RABGAP1L: variants seen among roughly 807,000 people sequenced by gnomAD.
The protein encoded by RABGAP1L is RAB GTPase activating protein 1 like.
In RABGAP1L, 63 loss-of-function variants were observed where a neutral mutation model predicts 137.7. The observed-to-expected ratio is 0.46, with a 90% CI of 0.37 to 0.56. The LOEUF (loss-of-function observed/expected upper bound fraction) is 0.56, where lower values mean the gene tolerates loss of function less well. RABGAP1L is among the 20% of genes least tolerant of loss of function. The pLI is 0.00. For missense variants in RABGAP1L, 1,095 were observed against 1,244.0 expected (o/e 0.88, Z 1.80); for synonymous variants, 431 against 433.7 (o/e 0.99, Z 0.08).
At position 174,637,317 on chromosome 1, in the gene RABGAP1L, T is replaced by G. The variant is rs1009779681; in HGVS notation, c.1711-58T>G. ...TTGAGTTTTTTACCATGTGTATATA[T>G]TATATTTCATAACTGGGAAAAAATT... On this transcript the variant is annotated intron_variant, in intron 13 of 25. Coordinates refer to ENST00000681986, the MANE Select transcript of RABGAP1L (RefSeq NM_001366446.1). 10 of 1,209,950 alleles carry G rather than the reference T, an allele frequency of 8.3e-6. No individual in the cohort carries two copies. The Admixed American group carries it at 1.9e-4, about 23-fold the overall frequency. The allele number at this position is 1,209,950 out of a possible 1,614,324, so 75.0% of individuals were successfully genotyped here. A position where few individuals can be genotyped will look rare whatever the true frequency, so the allele number is the denominator to read the frequency against.
chr1:174,443,985 A>G (rs1197936985), intron 13 of RABGAP1L, among the ~76,000 whole-genome samples: 2 of 151,908 alleles, frequency 1.3e-5, no homozygotes, highest in African/African-American at 4.8e-5. Context: ...ATTTAGGTTG[A>G]CTATAAATGT....
intron 17 of RABGAP1L, among the ~76,000 whole-genome samples, chr1:174,750,959 TTTGC>T (rs1418478187): frequency 6.6e-6 from 1 of 152,156 alleles, no homozygotes; most frequent in African/African-American, 2.4e-5. Context: ...GAAAGCAAAT[TTTGC>T]TTAATTGTAA....
At chr1:174,811,132 T>A (rs910048109) in intron 18 of RABGAP1L, among the ~76,000 whole-genome samples, 1 of 152,148 alleles carries the variant, frequency 6.6e-6, no homozygotes, top group Non-Finnish European at 1.5e-5. Context: ...AACCCATGAT[T>A]CCACTATACA....
chr1:174,576,354 C>A (rs538400355), intron 13 of RABGAP1L, among the ~76,000 whole-genome samples: 2 of 152,232 alleles, frequency 1.3e-5, no homozygotes, highest in East Asian at 1.9e-4. Flanking sequence ...CTCATGCGTC[C>A]GTTTATAGGC....
chr1:174,565,649 C>A (rs553301948), intron 13 of RABGAP1L, among the ~76,000 whole-genome samples: 3 of 152,122 alleles, frequency 2.0e-5, no homozygotes, highest in Non-Finnish European at 2.9e-5. Flanking sequence ...TTTCCTAGCA[C>A]ATCTGAAGTT....
chr1:174,288,115 A>G (rs924361289), intron 10 of RABGAP1L, among the ~76,000 whole-genome samples: 1 of 151,986 alleles, frequency 6.6e-6, no homozygotes, highest in African/African-American at 2.4e-5. Flanking sequence ...TTACTCCCCC[A>G]TCTCTCATAT....
chr1:174,597,126 T>G (rs1320266781), intron 13 of RABGAP1L, among the ~76,000 whole-genome samples: 1 of 152,196 alleles, frequency 6.6e-6, no homozygotes, highest in Non-Finnish European at 1.5e-5. Flanking sequence ...GCTAGTATTT[T>G]GTTGAGGATT....
chr1:174,611,360 A>G (rs1271320519), intron 13 of RABGAP1L, among the ~76,000 whole-genome samples: 1 of 152,100 alleles, frequency 6.6e-6, no homozygotes, highest in African/African-American at 2.4e-5. Flanking sequence ...AAAATCAGAT[A>G]GTTGTAGATA....
chr1:174,377,786 T>C (rs1341990898), intron 12 of RABGAP1L, among the ~76,000 whole-genome samples: 1 of 151,500 alleles, frequency 6.6e-6, no homozygotes, highest in Non-Finnish European at 1.5e-5. Context: ...GATTTTATTA[T>C]TATTATTTTT....
At chr1:174,338,087 A>C (rs1204538046) in intron 11 of RABGAP1L, among the ~76,000 whole-genome samples, 2 of 152,260 alleles carry the variant, frequency 1.3e-5, no homozygotes, top group South Asian at 4.2e-4. Context: ...TTTTCTCTAC[A>C]GATAACCAGT....
chr1:174,292,259 C>A (rs1676686278), intron 10 of RABGAP1L, among the ~76,000 whole-genome samples: 1 of 148,292 alleles, frequency 6.7e-6, no homozygotes, highest in African/African-American at 2.5e-5. Flanking sequence ...TCAAATTGCT[C>A]AAGCAGTTCT....
At chr1:174,491,990 T>C (rs1182617543) in intron 13 of RABGAP1L, among the ~76,000 whole-genome samples, 2 of 152,176 alleles carry the variant, frequency 1.3e-5, no homozygotes, top group Non-Finnish European at 2.9e-5. Flanking sequence ...CAAGACTTTT[T>C]CCTGCCCTAT....
At chr1:174,250,111 T>A (rs929649794) in intron 5 of RABGAP1L, among the ~76,000 whole-genome samples, 5 of 152,204 alleles carry the variant, frequency 3.3e-5, no homozygotes, top group Non-Finnish European at 7.3e-5. Context: ...TGAAGTGAAA[T>A]GTACCCCATT....
chr1:174,783,259 G>A (rs567358183), intron 18 of RABGAP1L, among the ~76,000 whole-genome samples: 19 of 152,250 alleles, frequency 1.2e-4, no homozygotes, highest in East Asian at 1.9e-4. Flanking sequence ...AACACTAGTC[G>A]CTGGGTTCAA....
chr1:174,237,163 T>A (rs1316257858), intron 4 of RABGAP1L, among the ~76,000 whole-genome samples: 3 of 151,758 alleles, frequency 2.0e-5, no homozygotes, highest in Non-Finnish European at 4.4e-5. Context: ...CCTATGTGTG[T>A]CTCTGCACGT....
chr1:174,898,401 T>C (rs893603904), intron 19 of RABGAP1L, among the ~76,000 whole-genome samples: 2 of 152,244 alleles, frequency 1.3e-5, no homozygotes, highest in African/African-American at 4.8e-5. Flanking sequence ...ACTCCCTTAT[T>C]AGATGTTACA....
intron 5 of RABGAP1L, among the ~76,000 whole-genome samples, chr1:174,248,212 T>C (rs868777393): frequency 1.3e-5 from 2 of 152,210 alleles, no homozygotes; most frequent in Non-Finnish European, 2.9e-5. Flanking sequence ...ATCTAATGAT[T>C]CCCTCTCATC....
intron 13 of RABGAP1L, among the ~76,000 whole-genome samples, chr1:174,416,653 G>A (rs1197467916): frequency 2.6e-5 from 4 of 151,964 alleles, no homozygotes; most frequent in Admixed American, 6.6e-5. Flanking sequence ...ATAAACAAAC[G>A]TGTTTGTCAT....
intron 13 of RABGAP1L, among the ~76,000 whole-genome samples, chr1:174,620,025 A>G (rs1672292733): frequency 6.6e-6 from 1 of 152,206 alleles, no homozygotes; most frequent in Non-Finnish European, 1.5e-5. Context: ...ACCAACAAAG[A>G]TCAAAAGAGA....
Sources: allele counts gnomAD v4.1 joint callset (sites outside exome capture counted in the v4.1 genomes callset), GRCh38; gene constraint gnomAD v4.1.1; transcripts MANE v1.5; gene names NCBI Gene and HGNC (gene_info 2026-07-23, HGNC 2026-07-21).